DSCAM: variants seen among roughly 807,000 people sequenced by gnomAD.
DSCAM encodes the protein DS cell adhesion molecule, also known as cell adhesion molecule DSCAM.
Under a neutral mutation model 217.7 loss-of-function variants are expected in DSCAM, and 47 were observed. The ratio of observed to expected loss-of-function variants is 0.22; its 90% CI spans 0.17 to 0.28. The LOEUF (loss-of-function observed/expected upper bound fraction) is 0.28. Among genes scored for constraint, DSCAM ranks in the 10% least tolerant of loss-of-function variants. The pLI, the probability that DSCAM is intolerant of heterozygous loss-of-function variation, is 1.00. For missense variants in DSCAM, 2,080 were observed against 2,618.3 expected (o/e 0.79, Z 4.49); for synonymous variants, 1,056 against 1,015.3 (o/e 1.04, Z -0.76).
intron 3 of DSCAM, among the ~76,000 whole-genome samples, chr21:40,685,657 T>G (rs560591033): frequency 6.6e-6 from 1 of 152,196 alleles, no homozygotes; most frequent in African/African-American, 2.4e-5. Flanking sequence ...CTTTGCTGCT[T>G]TTGCTCCATA....
chr21:40,116,165 G>C (rs1457417323), intron 20 of DSCAM, among the ~76,000 whole-genome samples: 1 of 152,132 alleles, frequency 6.6e-6, no homozygotes, highest in Admixed American at 6.5e-5. Flanking sequence ...ACCTTTCAGA[G>C]GGTGGAGGGT....
At position 40,078,634 on chromosome 21, in the gene DSCAM, C is replaced by A. The variant is rs546630108; in HGVS notation, c.4711+53G>T. The A allele has an allele frequency of 1.2e-5, 19 of 1,578,342 alleles. No individual in the cohort carries two copies. In the African/African-American group the frequency reaches 2.1e-4, roughly 18 times the overall value. ...TTCGATGGGAAAGGGGCAGGGCCCA[C>A]GTGCACATCCCCCAAGACACAAGCA... On this transcript the variant is annotated intron_variant, in intron 26 of 32. Coordinates refer to ENST00000400454, the MANE Select transcript of DSCAM (RefSeq NM_001389.5).
chr21:40,476,827 G>A (rs1050970307), intron 3 of DSCAM, among the ~76,000 whole-genome samples: 2 of 152,098 alleles, frequency 1.3e-5, no homozygotes, highest in African/African-American at 2.4e-5. Flanking sequence ...AGTTCTCTAC[G>A]TGAACAATCC....
At chr21:40,824,060 G>A (rs879821053) in intron 1 of DSCAM, among the ~76,000 whole-genome samples, 52 of 151,972 alleles carry the variant, frequency 3.4e-4, no homozygotes, top group Non-Finnish European at 4.1e-4. Flanking sequence ...GTGAGACACC[G>A]CCATGGGGAT....
Position 40,780,423 on chromosome 21 carries a change from G to GTATATATATATATATATATATA in DSCAM, c.43+66174_43+66195dup, listed in dbSNP as rs71186965. 1.7e-3 allele frequency among the ~76,000 whole-genome samples: 95 copies of GTATATATATATATATATATATA among 56,332 alleles called. 1 individual carries two copies. Among genetic ancestry groups the GTATATATATATATATATATATA allele is most frequent in the African/African-American group, 5.7e-3 (74 of 13,018 alleles). 37.0% of individuals were successfully genotyped at this position (56,332 alleles called of 152,430 possible). A position where few individuals can be genotyped will look rare whatever the true frequency, so the allele number is the denominator to read the frequency against. On this transcript the variant is annotated intron_variant, in intron 1 of 32. Coordinates refer to ENST00000400454, the MANE Select transcript of DSCAM (RefSeq NM_001389.5). ...CGTGTGTGTGTGTGTGTGTGTGTGT[G>GTATATATATATATATATATATA]TATATATATATATATATATATATAT...
intron 32 of DSCAM, among the ~76,000 whole-genome samples, chr21:40,039,604 G>A (rs551389202): frequency 6.6e-6 from 1 of 152,208 alleles, no homozygotes; most frequent in South Asian, 2.1e-4. Context: ...ATGTAGTATT[G>A]AGTATTCAAT....
intron 3 of DSCAM, among the ~76,000 whole-genome samples, chr21:40,622,311 A>G (rs1224850868): frequency 6.6e-6 from 1 of 152,166 alleles, no homozygotes; most frequent in East Asian, 1.9e-4. Context: ...TTCAATGGGA[A>G]GCGCCACAAT....
chr21:40,464,254 G>A (rs535392715), intron 3 of DSCAM, among the ~76,000 whole-genome samples: 1 of 152,298 alleles, frequency 6.6e-6, no homozygotes, highest in Non-Finnish European at 1.5e-5. Flanking sequence ...TCAGTAAATC[G>A]CTGCCCACAT....
intron 3 of DSCAM, among the ~76,000 whole-genome samples, chr21:40,378,170 G>T (rs2074981707): frequency 6.6e-6 from 1 of 152,126 alleles, no homozygotes; most frequent in African/African-American, 2.4e-5. Context: ...ACTTAATATT[G>T]CAAAAATGTC....
At chr21:40,429,312 G>C (rs1371729254) in intron 3 of DSCAM, among the ~76,000 whole-genome samples, 1 of 151,888 alleles carries the variant, frequency 6.6e-6, no homozygotes, top group Non-Finnish European at 1.5e-5. Flanking sequence ...TGTTGCCCAG[G>C]CTGGAGTACA....
chr21:40,207,874 A>G (rs2091143391), intron 11 of DSCAM, among the ~76,000 whole-genome samples: 1 of 151,954 alleles, frequency 6.6e-6, no homozygotes. Flanking sequence ...TCACACGGTC[A>G]CTCCTCCATG....
chr21:40,167,779 C>G (rs1378390840), intron 15 of DSCAM, among the ~76,000 whole-genome samples: 1 of 152,224 alleles, frequency 6.6e-6, no homozygotes, highest in East Asian at 1.9e-4. Flanking sequence ...AATTAAAAAC[C>G]CTTGTGGCCG....
At chr21:40,815,181 G>T (rs2091869953) in intron 1 of DSCAM, among the ~76,000 whole-genome samples, 1 of 152,014 alleles carries the variant, frequency 6.6e-6, no homozygotes, top group African/African-American at 2.4e-5. Context: ...AAGAAAAAAG[G>T]TAACCCCAAT....
intron 11 of DSCAM, among the ~76,000 whole-genome samples, chr21:40,220,544 A>C (rs1389534977): frequency 6.6e-6 from 1 of 152,200 alleles, no homozygotes; most frequent in Non-Finnish European, 1.5e-5. Flanking sequence ...GTTTTCCTCC[A>C]TGGTACATAA....
chr21:40,443,175 C>T (rs1026911518), intron 3 of DSCAM, among the ~76,000 whole-genome samples: 10 of 152,230 alleles, frequency 6.6e-5, no homozygotes, highest in South Asian at 2.1e-4. Context: ...TTATGTAATT[C>T]GCTTAATCAA....
At chr21:40,683,818 G>C (rs1474657284) in intron 3 of DSCAM, among the ~76,000 whole-genome samples, 1 of 152,192 alleles carries the variant, frequency 6.6e-6, no homozygotes, top group Non-Finnish European at 1.5e-5. Flanking sequence ...AGTAGGTGCA[G>C]CAGAGTTGAG....
intron 1 of DSCAM, among the ~76,000 whole-genome samples, chr21:40,823,293 T>TA (rs139852728): frequency 0.055 from 8,229 of 149,462 alleles, 748 homozygotes; most frequent in African/African-American, 0.19. Context: ...AGATAAACCA[T>TA]AAAAAAAAAC....
intron 1 of DSCAM, among the ~76,000 whole-genome samples, chr21:40,798,150 GTTC>G (rs1198274622): frequency 6.6e-6 from 1 of 152,012 alleles, no homozygotes; most frequent in Non-Finnish European, 1.5e-5. Flanking sequence ...GGGAAAAAAT[GTTC>G]TTAATACAGA....
intron 3 of DSCAM, among the ~76,000 whole-genome samples, chr21:40,497,090 C>A (rs1391019237): frequency 2.6e-5 from 4 of 151,966 alleles, no homozygotes; most frequent in African/African-American, 4.8e-5. Flanking sequence ...AGAGGTTCTT[C>A]AAAAAATCAA....
Sources: gnomAD v4.1 joint callset for allele counts (sites outside exome capture counted in the v4.1 genomes callset) on GRCh38, gnomAD v4.1.1 for gene constraint, MANE v1.5 for transcripts, NCBI Gene and HGNC (gene_info 2026-07-23, HGNC 2026-07-21) for gene names.